Variants in SSBP2 observed in about 807,000 individuals in gnomAD.
The protein encoded by SSBP2 is single-stranded DNA-binding protein 2.
A neutral mutation model predicts 61.8 loss-of-function variants in SSBP2; 17 were observed. The ratio of observed to expected loss-of-function variants is 0.28; its 90% confidence interval spans 0.19 to 0.41. SSBP2 has a LOEUF of 0.41. Among genes scored for constraint, SSBP2 ranks in the 10% least tolerant of loss-of-function variants. The pLI is 1.00. For synonymous variants in SSBP2, 139 were observed against 141.3 expected, an observed-to-expected ratio of 0.98 and a Z score of 0.12; for missense variants, 310 against 458.7, an observed-to-expected ratio of 0.68 and a Z score of 2.96.
At position 81,475,750 on chromosome 5, in the gene SSBP2, A is replaced by T. The variant is rs148487225; in HGVS notation, c.433-1188T>A. ...CCCTTAAGTAGTTATTGCTGACATC[A>T]TTTAGATCTCAGTTTAGGGATCACT... On this transcript the variant is annotated intron_variant, in intron 6 of 16. Coordinates refer to ENST00000320672, the MANE Select transcript of SSBP2 (RefSeq NM_012446.5). Among the ~76,000 whole-genome samples the T allele has an allele frequency of 1.2e-3, 178 of 152,240 alleles. 1 individual carries two copies. Among genetic ancestry groups the T allele is most frequent in the Non-Finnish European group, 2.0e-3 (134 of 67,972 alleles).
chr5:81,504,588 A>G (rs1276623859), intron 5 of SSBP2, among the ~76,000 whole-genome samples: 1 of 152,102 alleles, frequency 6.6e-6, no homozygotes, highest in Middle Eastern at 3.2e-3. Context: ...TCTTTACTCA[A>G]ATACATCTTT....
intron 1 of SSBP2, among the ~76,000 whole-genome samples, chr5:81,729,247 T>C (rs541057481): frequency 2.7e-3 from 414 of 152,320 alleles, no homozygotes; most frequent in Non-Finnish European, 5.0e-3. Flanking sequence ...AATTAGGTTA[T>C]ATTTGCGCAT....
intron 6 of SSBP2, among the ~76,000 whole-genome samples, chr5:81,475,853 G>A (rs1466502613): frequency 1.3e-5 from 2 of 151,942 alleles, no homozygotes; most frequent in Non-Finnish European, 2.9e-5. Context: ...GTATACATAT[G>A]CAAGTTATAT....
At chr5:81,629,999 G>A (rs1417645659) in intron 3 of SSBP2, among the ~76,000 whole-genome samples, 1 of 152,038 alleles carries the variant, frequency 6.6e-6, no homozygotes, top group Admixed American at 6.5e-5. Flanking sequence ...AACAAGTTTT[G>A]CACTCTGTAA....
At chr5:81,558,870 T>C (rs1772806576) in intron 4 of SSBP2, among the ~76,000 whole-genome samples, 1 of 152,220 alleles carries the variant, frequency 6.6e-6, no homozygotes, top group Admixed American at 6.5e-5. Context: ...GAATAGAACA[T>C]CTGATCTCTT....
chr5:81,611,225 A>G (rs1023141597), intron 4 of SSBP2, among the ~76,000 whole-genome samples: 1 of 152,350 alleles, frequency 6.6e-6, no homozygotes, highest in Non-Finnish European at 1.5e-5. Flanking sequence ...ACAAGACAAC[A>G]TAATAATTCA....
chr5:81,711,876 G>A lies in SSBP2; in HGVS notation c.62+39105C>T, dbSNP rs191602154. Among the ~76,000 whole-genome samples, 465 of 151,928 alleles carry A rather than the reference G, an allele frequency of 3.1e-3. 5 individuals are homozygous for A. Among genetic ancestry groups the A allele is most frequent in the Non-Finnish European group, 5.9e-3 (404 of 67,952 alleles). ...AACTACATAATCTTTCTGTGCCTCG[G>A]TTTCCTCACCTGTAAAGGGAGGAAA... On this transcript the variant is annotated intron_variant, in intron 1 of 16. Coordinates refer to ENST00000320672, the MANE Select transcript of SSBP2 (RefSeq NM_012446.5).
chr5:81,636,998 GAAGT>G (rs1748299756), intron 2 of SSBP2, among the ~76,000 whole-genome samples: 1 of 152,220 alleles, frequency 6.6e-6, no homozygotes. Context: ...AGGGAGACTG[GAAGT>G]AAGAAGAGGG....
chr5:81,446,812 T>C, intron 12 of SSBP2, 56 bp downstream of exon 12: 3 of 1,521,184 alleles, frequency 2.0e-6, no homozygotes, highest in Non-Finnish European at 2.7e-6. Flanking sequence ...AATTTCTATA[T>C]TCTGTGATTT....
intron 15 of SSBP2, 90 bp downstream of exon 15, chr5:81,437,340 C>A: frequency 7.7e-7 from 1 of 1,300,736 alleles, no homozygotes; most frequent in Non-Finnish European, 1.1e-6. Flanking sequence ...TGTTCAAGAA[C>A]AAAATTCGTA....
intron 4 of SSBP2, among the ~76,000 whole-genome samples, chr5:81,605,241 T>C (rs1200627037): frequency 6.6e-6 from 1 of 152,156 alleles, no homozygotes; most frequent in Non-Finnish European, 1.5e-5. Context: ...TCTATCTTCT[T>C]ATACTTTACT....
At chr5:81,477,365 T>C (rs1195393467) in intron 6 of SSBP2, among the ~76,000 whole-genome samples, 2 of 152,204 alleles carry the variant, frequency 1.3e-5, no homozygotes, top group Admixed American at 6.5e-5. Context: ...CATAAATGCA[T>C]ACTCTCCAAC....
At chr5:81,640,600 AAAT>A (rs1300086361) in intron 2 of SSBP2, among the ~76,000 whole-genome samples, 2 of 152,164 alleles carry the variant, frequency 1.3e-5, no homozygotes, top group African/African-American at 4.8e-5. Flanking sequence ...AAAAAATAAG[AAAT>A]AATATTTAAT....
intron 4 of SSBP2, among the ~76,000 whole-genome samples, chr5:81,597,808 T>C (rs2153544619): frequency 7.6e-6 from 1 of 130,766 alleles, no homozygotes; most frequent in Non-Finnish European, 1.5e-5. Flanking sequence ...AAATGAACAA[T>C]GAGAACACAT....
chr5:81,639,005 TTCTTTTATTGAA>T (rs1748520445), intron 2 of SSBP2, among the ~76,000 whole-genome samples: 1 of 152,180 alleles, frequency 6.6e-6, no homozygotes, highest in African/African-American at 2.4e-5. Flanking sequence ...TTCTTTCTGT[TTCTTTTATTGAA>T]TCAGAAGGTA....
intron 4 of SSBP2, among the ~76,000 whole-genome samples, chr5:81,525,774 A>C (rs1033207768): frequency 6.6e-6 from 1 of 152,022 alleles, no homozygotes; most frequent in East Asian, 1.9e-4. Context: ...TCCAAGGCAG[A>C]TCTACTTCCT....
chr5:81,565,985 T>G (rs1773392295), intron 4 of SSBP2, among the ~76,000 whole-genome samples: 1 of 152,140 alleles, frequency 6.6e-6, no homozygotes, highest in African/African-American at 2.4e-5. Flanking sequence ...CATCAATCAC[T>G]TAGTAGAAAG....
chr5:81,740,205 T>C (rs1756920425), intron 1 of SSBP2, among the ~76,000 whole-genome samples: 1 of 152,098 alleles, frequency 6.6e-6, no homozygotes, highest in Non-Finnish European at 1.5e-5. Context: ...TGTGTATATG[T>C]ATGTGTAATA....
At chr5:81,734,209 C>A (rs904476341) in intron 1 of SSBP2, among the ~76,000 whole-genome samples, 20 of 152,092 alleles carry the variant, frequency 1.3e-4, no homozygotes, top group African/African-American at 4.8e-4. Context: ...ATAAAAACTC[C>A]ATTGCTTAAT....
Sources: gnomAD v4.1 joint callset for allele counts (sites outside exome capture counted in the v4.1 genomes callset) on GRCh38, gnomAD v4.1.1 for gene constraint, MANE v1.5 for transcripts, NCBI Gene and HGNC (gene_info 2026-07-23, HGNC 2026-07-21) for gene names.